ZNF723: variants seen among roughly 807,000 people sequenced by gnomAD.
ZNF723 encodes zinc finger protein 723, pseudogene.
A neutral mutation model predicts 9.4 loss-of-function variants in ZNF723; 5 were observed. The observed-to-expected ratio is 0.53, with a 90% CI of 0.28 to 1.12. ZNF723 has a LOEUF of 1.12. ZNF723 is among the 50% of genes most tolerant of loss of function. The pLI, the probability that ZNF723 is intolerant of heterozygous loss-of-function variation, is 0.10. For missense variants in ZNF723, 450 were observed against 501.5 expected (o/e 0.90, Z 0.98); for synonymous variants, 158 against 168.8 (o/e 0.94, Z 0.49).
intron 1 of ZNF723, among the ~76,000 whole-genome samples, chr19:22,833,251 C>A (rs973099886): frequency 7.9e-5 from 12 of 152,212 alleles, no homozygotes; most frequent in Middle Eastern, 3.4e-3. Context: ...CTTCCTGTTT[C>A]AAGCGATTCT....
chr19:22,834,102 G>A (rs751389221), intron 1 of ZNF723, among the ~76,000 whole-genome samples: 35 of 151,756 alleles, frequency 2.3e-4, no homozygotes, highest in Non-Finnish European at 4.7e-4. Flanking sequence ...TTTTAGTGGA[G>A]ACGGGGTTTC....
At chr19:22,848,197 T>C in intron 1 of ZNF723, 64 bp from the exon 2 acceptor site, 2 of 603,508 alleles carry the variant, frequency 3.3e-6, no homozygotes, top group Non-Finnish European at 5.7e-6. Flanking sequence ...TCAGTCAAAT[T>C]AAAAATTCTG....
the ZNF723 span, among the ~76,000 whole-genome samples, chr19:22,813,374 G>T: frequency 6.6e-6 from 1 of 152,174 alleles, no homozygotes; most frequent in Non-Finnish European, 1.5e-5. Context: ...GCACTTAGGA[G>T]TTGTGACTCC....
intron 1 of ZNF723, 132 bp downstream of exon 1, chr19:22,832,514 G>A: frequency 9.8e-7 from 1 of 1,024,682 alleles, no homozygotes; most frequent in Non-Finnish European, 1.4e-6. Context: ...AGCCTGGCCC[G>A]GCCTCAGACA....
chr19:22,849,914 G>A, intron 3 of ZNF723, among the ~76,000 whole-genome samples: 1 of 151,446 alleles, frequency 6.6e-6, no homozygotes, highest in Non-Finnish European at 1.5e-5. Flanking sequence ...CATCTCAAAA[G>A]TAAAAAAAAA....
intron 1 of ZNF723, among the ~76,000 whole-genome samples, chr19:22,843,297 T>G (rs533888439): frequency 6.6e-6 from 1 of 152,320 alleles, no homozygotes; most frequent in East Asian, 1.9e-4. Flanking sequence ...CTTTGAGACA[T>G]TTGAGGATGT....
chr19:22,841,551 A>G (rs1314703345), intron 1 of ZNF723, among the ~76,000 whole-genome samples: 1 of 152,234 alleles, frequency 6.6e-6, no homozygotes, highest in African/African-American at 2.4e-5. Context: ...ATTACCAGAC[A>G]TTATATAAAC....
At chr19:22,837,020 C>T (rs550607304) in intron 1 of ZNF723, among the ~76,000 whole-genome samples, 49 of 152,104 alleles carry the variant, frequency 3.2e-4, no homozygotes, top group African/African-American at 1.0e-3. Flanking sequence ...GGGGATGGCA[C>T]GATTACTCAT....
At chr19:22,816,475 G>A in the ZNF723 span, among the ~76,000 whole-genome samples, 7 of 152,324 alleles carry the variant, frequency 4.6e-5, no homozygotes, top group East Asian at 1.4e-3. Flanking sequence ...TGTTGAGATT[G>A]TGGGTTATAA....
chr19:22,837,425 TG>T (rs1967180973), intron 1 of ZNF723, among the ~76,000 whole-genome samples: 1 of 152,154 alleles, frequency 6.6e-6, no homozygotes, highest in South Asian at 2.1e-4. Flanking sequence ...GTGCTGACTC[TG>T]GGTGGTTTCA....
chr19:22,844,903 G>C (rs1326051743), intron 1 of ZNF723, among the ~76,000 whole-genome samples: 1 of 152,166 alleles, frequency 6.6e-6, no homozygotes, highest in East Asian at 1.9e-4. Context: ...GGATCATGAG[G>C]TCAGGAGATC....
intron 1 of ZNF723, among the ~76,000 whole-genome samples, chr19:22,846,100 C>T (rs948927478): frequency 1.3e-5 from 2 of 151,038 alleles, no homozygotes; most frequent in African/African-American, 4.9e-5. Context: ...CTAAGTTCTC[C>T]ACATCATGGC....
chr19:22,833,957 C>T (rs1256673150), intron 1 of ZNF723, among the ~76,000 whole-genome samples: 3 of 125,290 alleles, frequency 2.4e-5, no homozygotes, highest in Admixed American at 9.1e-5. Context: ...TTCCGAGTCT[C>T]CTTCTGTTGC....
At chr19:22,834,322 A>G (rs1396570738) in intron 1 of ZNF723, among the ~76,000 whole-genome samples, 3 of 152,020 alleles carry the variant, frequency 2.0e-5, no homozygotes, top group Non-Finnish European at 4.4e-5. Flanking sequence ...CTTTTCCTTT[A>G]GAAGAAAGCA....
At chr19:22,824,139 C>T in the ZNF723 span, among the ~76,000 whole-genome samples, 2 of 152,124 alleles carry the variant, frequency 1.3e-5, no homozygotes, top group Non-Finnish European at 2.9e-5. Flanking sequence ...CCCTGCTAAC[C>T]GTGGGAATTA....
At chr19:22,831,702 G>A (rs1568401895), upstream of ZNF723, among the ~76,000 whole-genome samples, 1 of 152,178 alleles carries the variant, frequency 6.6e-6, no homozygotes. Flanking sequence ...CCTGTCAGGA[G>A]TTTGAGACCA....
At chr19:22,837,494 A>T (rs1568403466) in intron 1 of ZNF723, among the ~76,000 whole-genome samples, 1 of 152,060 alleles carries the variant, frequency 6.6e-6, no homozygotes, top group African/African-American at 2.4e-5. Context: ...TTAACAAACA[A>T]TTTGGTGCCA....
chr19:22,816,588 C>A, the ZNF723 span, among the ~76,000 whole-genome samples: 1 of 152,232 alleles, frequency 6.6e-6, no homozygotes, highest in Non-Finnish European at 1.5e-5. Flanking sequence ...GTGATTGTGA[C>A]GTATACCTCA....
chr19:22,816,055 T>C, the ZNF723 span, among the ~76,000 whole-genome samples: 1 of 152,212 alleles, frequency 6.6e-6, no homozygotes, highest in Non-Finnish European at 1.5e-5. Flanking sequence ...ACTGGAGAGA[T>C]GTTGACTCTC....
Sources: allele counts gnomAD v4.1 joint callset (sites outside exome capture counted in the v4.1 genomes callset), GRCh38; gene constraint gnomAD v4.1.1; transcripts MANE v1.5; gene names NCBI Gene and HGNC (gene_info 2026-07-23, HGNC 2026-07-21).